Variants in COG1 observed in about 807,000 individuals in gnomAD.
COG1 encodes the protein component of oligomeric golgi complex 1, also known as conserved oligomeric Golgi complex subunit 1.
In COG1, 61 loss-of-function variants were observed where a neutral mutation model predicts 102.2. The ratio of observed to expected loss-of-function variants is 0.60; its 90% CI spans 0.49 to 0.74. The LOEUF (loss-of-function observed/expected upper bound fraction) is 0.74, where lower values mean the gene tolerates loss of function less well. Among genes scored for constraint, COG1 ranks in the 30% least tolerant of loss-of-function variants. The probability of loss-of-function intolerance (pLI) is 0.00; values close to 1 mark genes in which losing one functional copy is unlikely to be tolerated. For missense variants in COG1, 1,164 were observed against 1,232.1 expected (o/e 0.94, Z 0.83); for synonymous variants, 454 against 493.6 (o/e 0.92, Z 1.06).
At chr17:73,193,414 C>T in intron 1 of COG1, 30 bp downstream of exon 1, 2 of 1,391,458 alleles carry the variant, frequency 1.4e-6, no homozygotes, top group Non-Finnish European at 1.8e-6. Context: ...CCCTGCGACC[C>T]GCAGGCGGGT....
rs1435377428 is a variant in COG1 at position 73,207,269 on chromosome 17, A to G, written c.2805+13A>G. 4 of 1,613,722 alleles carry G rather than the reference A, an allele frequency of 2.5e-6. No individual in the cohort carries two copies. In the African/African-American group the frequency reaches 4.0e-5, roughly 16 times the overall value. On this transcript the variant is annotated intron_variant, in intron 13 of 13. Transcript: ENST00000299886. ...AACAAAAGCTCAGGTTGGTGCCAAG[A>G]GCAAGAGGCTCATCCGTGGATGGGT...
rs756645171 is a variant in COG1 at position 73,206,844 on chromosome 17, G to T, written c.2729+27G>T. On this transcript the variant is annotated intron_variant, in intron 12 of 13. Transcript: ENST00000299886. ...TAAAGGCTGCCAAGAGGCTTCTGCG[G>T]GGCACTTCGGGAGGCCAAGGTGGAC... 5 of 1,539,352 alleles carry T rather than the reference G, an allele frequency of 3.2e-6. 1 individual carries two copies. In the South Asian group the frequency reaches 5.6e-5, roughly 17 times the overall value.
At chr17:73,207,643 CAG>C (rs1419869965) in intron 13 of COG1, 1 of 1,253,332 alleles carries the variant, frequency 8.0e-7, no homozygotes, top group Non-Finnish European at 1.0e-6. Context: ...TGGGAAGTAA[CAG>C]AAAATTTGTT....
In COG1 at chr17:73,206,255, G is replaced by A. The variant is rs2061371239; in HGVS notation, c.2612G>A (p.Arg871Gln). 4 of 1,613,580 alleles carry A rather than the reference G, an allele frequency of 2.5e-6. No homozygotes were observed. The highest frequency in any genetic ancestry group is 1.7e-4 in the Middle Eastern group (1 of 6,056). The change falls in exon 11 of 14, where the codon CGA becomes CAA. Residue 871 changes from arginine to glutamine, a missense_variant. By Grantham distance (43) the Arg-to-Gln change is conservative. Coordinates refer to ENST00000299886, the MANE Select transcript of COG1 (RefSeq NM_018714.3). ...LNSNLHRLVQ[R>Q]TSVLFGLVTG... The stretch of plus-strand genomic sequence containing the variant: ...AGCAACCTTCATCGCCTGGTGCAGC[G>A]AACTTCTGTGAGTCAAATCAAAAAC...
chr17:73,201,170 C>A lies in COG1; in HGVS notation c.1343C>A (p.Ala448Asp), dbSNP rs1372546537. ...SSSSKELLVS[A>D]LQELESSTSN... Reference sequence around the variant, plus strand: ...AGCTCCAAGGAGCTCTTGGTTTCAGCTTTGCAGGAACTTGAAAGCAGCACC... The same window carrying A: ...AGCTCCAAGGAGCTCTTGGTTTCAGATTTGCAGGAACTTGAAAGCAGCACC... Residue 448 changes from alanine (A) to aspartate (D), a missense_variant, in exon 7 of 14, where the codon GCT becomes GAT. Coordinates refer to ENST00000299886, the MANE Select transcript of COG1 (RefSeq NM_018714.3). The A allele has an allele frequency of 7.4e-6, 12 of 1,614,204 alleles. No individual in the cohort carries two copies. Among genetic ancestry groups the A allele is most frequent in the Non-Finnish European group, 1.0e-5 (12 of 1,180,026 alleles).
intron 7 of COG1, among the ~76,000 whole-genome samples, 184 bp downstream of exon 7, chr17:73,202,084 T>A (rs2061349399): frequency 6.6e-6 from 1 of 152,204 alleles, no homozygotes; most frequent in Non-Finnish European, 1.5e-5. Flanking sequence ...ATGCCTGTAA[T>A]CCCAGCACTT....
intron 1 of COG1, among the ~76,000 whole-genome samples, chr17:73,196,009 C>T (rs2145091875): frequency 6.6e-6 from 1 of 152,292 alleles, no homozygotes; most frequent in South Asian, 2.1e-4. Context: ...TGAGATTGGG[C>T]AATTTATAAC....
intron 13 of COG1, chr17:73,207,696 T>C: frequency 7.7e-7 from 1 of 1,292,716 alleles, no homozygotes; most frequent in Non-Finnish European, 1.0e-6. Context: ...ACACGTTTCA[T>C]TTCAGTACGA....
At chr17:73,205,787 T>G (rs2061368207) in intron 10 of COG1, 107 bp downstream of exon 10, 4 of 1,429,728 alleles carry the variant, frequency 2.8e-6, no homozygotes, top group Non-Finnish European at 2.9e-6. Flanking sequence ...ACATTCATTG[T>G]GTTTGTTTTG....
chr17:73,198,629 G>A (rs1226652425), intron 4 of COG1, among the ~76,000 whole-genome samples: 1 of 152,154 alleles, frequency 6.6e-6, no homozygotes, highest in African/African-American at 2.4e-5. Flanking sequence ...CGATGGCTGA[G>A]GCCTTGGAAT....
Position 73,197,318 on chromosome 17 carries a change from G to A in COG1, c.835G>A (p.Gly279Arg), listed in dbSNP as rs1178744916. The A allele has an allele frequency of 6.2e-7, 1 of 1,614,208 alleles. No individual in the cohort carries two copies. Among genetic ancestry groups the A allele is most frequent in the Non-Finnish European group, 8.5e-7 (1 of 1,180,034 alleles). ...TGCCCTTTTCTACACTTTGCCAGAAGGACTGCTGCCAGATCCAGCCCTGCC... is the reference window on the plus strand; with the variant it reads ...TGCCCTTTTCTACACTTTGCCAGAAAGACTGCTGCCAGATCCAGCCCTGCC... ...AHALFYTLPE[G>R]LLPDPALPCG... The change falls in exon 4 of 14, where the codon GGA becomes AGA. Residue 279 changes from glycine (G) to arginine (R), a missense_variant. Gly to Arg is a moderately radical substitution (Grantham distance 125). Coordinates refer to ENST00000299886, the MANE Select transcript of COG1 (RefSeq NM_018714.3).
Position 73,193,204 on chromosome 17 carries a change from G to A in COG1, c.135G>A (p.Lys45=). 3.1e-6 allele frequency: 5 copies of A among 1,609,026 alleles called. No individual in the cohort carries two copies. Among genetic ancestry groups the A allele is most frequent in the Non-Finnish European group, 4.2e-6 (5 of 1,178,194 alleles). The change falls in exon 1 of 14, where the codon AAG becomes AAA. Residue 45 remains lysine, a synonymous_variant. Coordinates refer to ENST00000299886, the MANE Select transcript of COG1 (RefSeq NM_018714.3). ...RQVRAEIEHK[K]EELRQMVGER... ...TTCGGGCCGAGATCGAGCACAAGAA[G>A]GAGGAGCTGCGGCAGATGGTGGGCG...
At position 73,208,446 on chromosome 17, in the gene COG1, A is replaced by C; in HGVS notation, c.2938A>C (p.Lys980Gln). ...FKLGWLSSMT[K>Q] ...ACTTGGCTGGCTCTCTAGTATGACT[A>C]AGTAACATGGCAACACATCTGTCTC... The change falls in exon 14 of 14, where the codon AAG (lysine) becomes CAG (glutamine). Residue 980 changes from lysine (K) to glutamine (Q), a missense_variant. By Grantham distance (53) the Lys-to-Gln change is moderately conservative (BLOSUM62 1). Transcript: ENST00000299886. 6.2e-7 allele frequency: 1 copy of C among 1,614,114 alleles called. No individual in the cohort carries two copies. The highest frequency in any genetic ancestry group is 8.5e-7 in the Non-Finnish European group (1 of 1,180,008).
chr17:73,195,046 T>A (rs1428485111), intron 1 of COG1, among the ~76,000 whole-genome samples: 1 of 152,222 alleles, frequency 6.6e-6, no homozygotes. Context: ...AAGCTAACAT[T>A]TAGTACACGT....
rs150109830 is a variant in COG1, at chr17:73,199,891, G to A, written c.940G>A (p.Glu314Lys). The A allele has an allele frequency of 2.5e-6, 4 of 1,614,088 alleles. No individual in the cohort carries two copies. Among genetic ancestry groups the A allele is most frequent in the African/African-American group, 2.7e-5 (2 of 74,930 alleles). Residue 314 changes from glutamate (E) to lysine (K), a missense_variant, in exon 5 of 14, where the codon GAG becomes AAG. By Grantham distance (56) the Glu-to-Lys change is moderately conservative. Transcript: ENST00000299886. ...AGKGTGVLQE[E>K]MKLCSWFKHL... ...AAAGGGCACTGGTGTCCTGCAGGAAGAGATGAAACTCTGCAGCTGGTTTAA... is the reference window on the plus strand; with the variant it reads ...AAAGGGCACTGGTGTCCTGCAGGAAAAGATGAAACTCTGCAGCTGGTTTAA...
At chr17:73,200,450 T>C in intron 5 of COG1, 116 bp from the exon 6 acceptor site, 2 of 980,866 alleles carry the variant, frequency 2.0e-6, no homozygotes, top group Non-Finnish European at 3.3e-6. Context: ...GACACATAGA[T>C]ATTTATCTAC....
In COG1 at chr17:73,202,967, T is replaced by A. The variant is rs370516548; in HGVS notation, c.2074-33T>A. 58 of 1,612,422 alleles carry A rather than the reference T, an allele frequency of 3.6e-5. No individual in the cohort carries two copies. In the East Asian group the frequency reaches 1.3e-3, roughly 35 times the overall value. On this transcript the variant is annotated intron_variant, in intron 7 of 13. Coordinates refer to ENST00000299886, the MANE Select transcript of COG1 (RefSeq NM_018714.3). ...AAAGAAACTCTACAGAGGATCTGAG[T>A]GGCTTGTATGGATATCTGCCTTTTA...
intron 9 of COG1, among the ~76,000 whole-genome samples, chr17:73,204,953 A>T (rs1208465642): frequency 1.3e-5 from 2 of 152,178 alleles, no homozygotes; most frequent in African/African-American, 4.8e-5. Context: ...ACTTGAGGCC[A>T]GGAGTTCGAG....
rs1053869582 is a variant in COG1 at position 73,199,741 on chromosome 17, A to G, written c.914-124A>G. On this transcript the variant is annotated intron_variant, in intron 4 of 13. Coordinates refer to ENST00000299886, the MANE Select transcript of COG1 (RefSeq NM_018714.3). Reference sequence around the variant, plus strand: ...AGGTGTGCACCATGACGCCTGGCAAATTGTTTCTTTTTTGTAGAGGTGAGG... The same window carrying G: ...AGGTGTGCACCATGACGCCTGGCAAGTTGTTTCTTTTTTGTAGAGGTGAGG... 24 of 1,140,580 alleles carry G rather than the reference A, an allele frequency of 2.1e-5. 1 individual carries two copies. In the East Asian group the frequency reaches 5.6e-4, roughly 26 times the overall value. The allele number at this position is 1,140,580 out of a possible 1,614,324, so 70.7% of individuals were successfully genotyped here.
Sources: allele counts gnomAD v4.1 joint callset (sites outside exome capture counted in the v4.1 genomes callset), GRCh38; gene constraint gnomAD v4.1.1; transcripts MANE v1.5; gene names NCBI Gene and HGNC (gene_info 2026-07-23, HGNC 2026-07-21).